Variants in SDK1 observed in about 807,000 individuals in gnomAD.
SDK1 encodes protein sidekick-1.
A neutral mutation model predicts 245.5 loss-of-function variants in SDK1; 157 were observed. The observed-to-expected ratio is 0.64, with a 90% CI of 0.56 to 0.73. SDK1 has a LOEUF of 0.73. SDK1 is among the 30% of genes least tolerant of loss of function. The pLI is 0.00. For missense variants in SDK1, 3,583 were observed against 3,002.3 expected (o/e 1.19, Z -4.52); for synonymous variants, 1,647 against 1,278.5 (o/e 1.29, Z -6.15).
intron 4 of SDK1, among the ~76,000 whole-genome samples, chr7:3,754,017 C>G (rs950136171): frequency 1.9e-4 from 29 of 152,112 alleles, no homozygotes; most frequent in Non-Finnish European, 4.0e-4. Context: ...GCTTTCCATT[C>G]AGGACTTCTG....
At chr7:4,193,372 T>TATATATATATATATATA (rs1783348443) in intron 35 of SDK1, among the ~76,000 whole-genome samples, 1 of 103,086 alleles carries the variant, frequency 9.7e-6, no homozygotes, top group African/African-American at 3.9e-5. Context: ...ATTAAAATAT[T>TATATATATATATATATA]TATATATATA....
chr7:3,865,712 A>T, intron 5 of SDK1, among the ~76,000 whole-genome samples: 1 of 149,062 alleles, frequency 6.7e-6, no homozygotes, highest in African/African-American at 2.5e-5. Context: ...ATGAGGTCTC[A>T]CTGTGTTGCC....
intron 4 of SDK1, among the ~76,000 whole-genome samples, chr7:3,698,164 T>A (rs1282192451): frequency 6.6e-6 from 1 of 152,124 alleles, no homozygotes. Context: ...CAGAAAACTT[T>A]TGGACAATAA....
chr7:4,047,238 T>G (rs1789086045), intron 17 of SDK1, among the ~76,000 whole-genome samples: 1 of 152,228 alleles, frequency 6.6e-6, no homozygotes, highest in Admixed American at 6.5e-5. Flanking sequence ...TTTTCCTAAA[T>G]CTATTAAGAT....
intron 14 of SDK1, among the ~76,000 whole-genome samples, chr7:4,009,806 T>A (rs1785792463): frequency 6.6e-6 from 1 of 152,140 alleles, no homozygotes; most frequent in South Asian, 2.1e-4. Flanking sequence ...CCTTTGAGAG[T>A]CTCATTTTCA....
chr7:4,102,988 T>TC (rs1782663334), intron 22 of SDK1, among the ~76,000 whole-genome samples: 2 of 135,710 alleles, frequency 1.5e-5, no homozygotes, highest in South Asian at 4.9e-4. Context: ...CCGTTCAAAA[T>TC]CCCGGCTTCC....
At chr7:3,461,351 A>G (rs960742503) in intron 1 of SDK1, among the ~76,000 whole-genome samples, 1 of 152,162 alleles carries the variant, frequency 6.6e-6, no homozygotes, top group Non-Finnish European at 1.5e-5. Context: ...CTGAAGTTGT[A>G]TTACTTCAAA....
chr7:3,840,760 T>C (rs11980339), intron 5 of SDK1, among the ~76,000 whole-genome samples: 2,224 of 152,334 alleles, frequency 0.015, 66 homozygotes, highest in African/African-American at 0.051. Context: ...CTACTCGCAG[T>C]ATGATCCGAG....
chr7:4,208,725 C>T (rs1437362791), intron 37 of SDK1, among the ~76,000 whole-genome samples: 11 of 152,206 alleles, frequency 7.2e-5, no homozygotes, highest in Admixed American at 7.2e-4. Flanking sequence ...GGGAATTCCC[C>T]TGGGTCTCAG....
At chr7:4,181,497 G>A (rs918420012) in intron 35 of SDK1, among the ~76,000 whole-genome samples, 1 of 152,188 alleles carries the variant, frequency 6.6e-6, no homozygotes, top group Non-Finnish European at 1.5e-5. Context: ...GGCCTCTGAG[G>A]TTAGCATCAC....
intron 1 of SDK1, among the ~76,000 whole-genome samples, chr7:3,427,953 C>T (rs931936852): frequency 2.0e-5 from 3 of 152,060 alleles, no homozygotes; most frequent in Non-Finnish European, 2.9e-5. Flanking sequence ...CTTCTCTAAA[C>T]GTCGTTTATG....
intron 1 of SDK1, among the ~76,000 whole-genome samples, chr7:3,461,654 T>G (rs1045849345): frequency 3.9e-5 from 6 of 152,092 alleles, no homozygotes; most frequent in Admixed American, 1.3e-4. Context: ...ATCAAAACTT[T>G]CCCTTTTCCT....
chr7:4,244,052 C>T (rs1786685088), intron 43 of SDK1, among the ~76,000 whole-genome samples: 1 of 152,164 alleles, frequency 6.6e-6, no homozygotes, highest in Non-Finnish European at 1.5e-5. Context: ...AAGAAAGGCC[C>T]TTGAGCCTTC....
chr7:3,447,776 C>T (rs1780388415), intron 1 of SDK1, among the ~76,000 whole-genome samples: 1 of 147,144 alleles, frequency 6.8e-6, no homozygotes, highest in Non-Finnish European at 1.5e-5. Flanking sequence ...ATGATCTCGG[C>T]TCACCGCAAC....
intron 35 of SDK1, among the ~76,000 whole-genome samples, chr7:4,197,170 A>G (rs1484452877): frequency 1.3e-5 from 2 of 152,148 alleles, no homozygotes; most frequent in Admixed American, 6.5e-5. Context: ...TGCCCTTGTT[A>G]AGAGTTCTTG....
At chr7:3,616,403 C>G (rs1323507265) in intron 1 of SDK1, among the ~76,000 whole-genome samples, 1 of 152,216 alleles carries the variant, frequency 6.6e-6, no homozygotes, top group Non-Finnish European at 1.5e-5. Flanking sequence ...CTGCTCATCC[C>G]ACTTCCAGTC....
chr7:3,383,903 C>G (rs1781548678), intron 1 of SDK1, among the ~76,000 whole-genome samples: 1 of 152,174 alleles, frequency 6.6e-6, no homozygotes, highest in Admixed American at 6.5e-5. Flanking sequence ...AACCCTTCAG[C>G]TGGAGTCAAT....
At position 3,773,983 on chromosome 7, in the gene SDK1, G is replaced by C. The variant is rs542774312; in HGVS notation, c.714-47467G>C. ...TAATCCCAGCACTTTGGGAGGCCAA[G>C]GTGGGTGGATCACGAGGTCAGGAGA... On this transcript the variant is annotated intron_variant, in intron 4 of 44. Coordinates refer to ENST00000404826, the MANE Select transcript of SDK1 (RefSeq NM_152744.4). Among the ~76,000 whole-genome samples the C allele has an allele frequency of 1.4e-4, 22 of 152,276 alleles. No individual in the cohort carries two copies. In the South Asian group the frequency reaches 4.4e-3, roughly 30 times the overall value.
intron 1 of SDK1, among the ~76,000 whole-genome samples, chr7:3,564,519 A>T (rs1234544068): frequency 2.0e-5 from 3 of 152,096 alleles, no homozygotes; most frequent in Non-Finnish European, 4.4e-5. Context: ...AATACAGGAC[A>T]ATGACAAAAA....
Sources: gnomAD v4.1 joint callset for allele counts (sites outside exome capture counted in the v4.1 genomes callset) on GRCh38, gnomAD v4.1.1 for gene constraint, MANE v1.5 for transcripts, NCBI Gene and HGNC (gene_info 2026-07-23, HGNC 2026-07-21) for gene names.